The following MSH3 variants were observed in gnomAD, a reference collection of about 807,000 sequenced individuals.
The protein encoded by MSH3 is DNA mismatch repair protein Msh3.
Under a neutral mutation model 123.3 loss-of-function variants are expected in MSH3, and 106 were observed. The ratio of observed to expected loss-of-function variants is 0.86; its 90% CI spans 0.73 to 1.01. The LOEUF (loss-of-function observed/expected upper bound fraction) is 1.01, where lower values mean the gene tolerates loss of function less well. Among genes scored for constraint, MSH3 ranks in the 50% least tolerant of loss-of-function variants. The pLI is 0.00. For missense variants in MSH3, 1,459 were observed against 1,347.6 expected, an observed-to-expected ratio of 1.08 and a Z score of -1.29; for synonymous variants, 515 against 481.4, an observed-to-expected ratio of 1.07 and a Z score of -0.91.
intron 8 of MSH3, among the ~76,000 whole-genome samples, chr5:80,704,170 T>C (rs1750670978): frequency 6.6e-6 from 1 of 152,190 alleles, no homozygotes; most frequent in South Asian, 2.1e-4. Context: ...CCGCCGTGAC[T>C]GTGGGTCACT....
At chr5:80,791,549 T>C (rs1744605940) in intron 18 of MSH3, among the ~76,000 whole-genome samples, 1 of 152,210 alleles carries the variant, frequency 6.6e-6, no homozygotes, top group African/African-American at 2.4e-5. Flanking sequence ...GAATATGGAA[T>C]AAAACTTTTG....
At chr5:80,680,526 A>G (rs1308504251) in intron 8 of MSH3, among the ~76,000 whole-genome samples, 2 of 150,116 alleles carry the variant, frequency 1.3e-5, no homozygotes, top group Non-Finnish European at 3.0e-5. Flanking sequence ...ACTTTTTTCC[A>G]TTTGTGAACT....
chr5:80,807,153 T>C (rs1744905211), intron 19 of MSH3, among the ~76,000 whole-genome samples: 2 of 134,490 alleles, frequency 1.5e-5, no homozygotes, highest in Non-Finnish European at 3.0e-5. Flanking sequence ...TTTGCACCAC[T>C]GCACTCTAGC....
intron 13 of MSH3, among the ~76,000 whole-genome samples, chr5:80,765,300 T>C (rs1168045800): frequency 2.0e-5 from 3 of 152,192 alleles, no homozygotes; most frequent in Non-Finnish European, 4.4e-5. Flanking sequence ...TGTTTGTTTC[T>C]TTACTTTTGT....
intron 22 of MSH3, among the ~76,000 whole-genome samples, chr5:80,870,434 A>C (rs1490185354): frequency 6.6e-6 from 1 of 152,042 alleles, no homozygotes; most frequent in Admixed American, 6.6e-5. Flanking sequence ...GCTTTTTTTG[A>C]TTGCCTATTG....
At chr5:80,756,241 A>G (rs941040027) in intron 12 of MSH3, among the ~76,000 whole-genome samples, 6 of 152,192 alleles carry the variant, frequency 3.9e-5, no homozygotes, top group Non-Finnish European at 8.8e-5. Flanking sequence ...CTCCAAAAAG[A>G]AAGAAAGAAA....
Position 80,672,358 on chromosome 5 carries a change from A to G in MSH3, c.907A>G (p.Lys303Glu), listed in dbSNP as rs765742189. Reference protein sequence around the residue: ...HVRRLVAKGYKVGVVKQTETA... With the variant: ...HVRRLVAKGYEVGVVKQTETA... The stretch of plus-strand genomic sequence containing the variant: ...ACGCCGCCTGGTGGCAAAAGGATAT[A>G]AGGTCAGCTTTGGCTTTAACTTGTG... The change falls in exon 5 of 24, where the codon AAG (lysine) becomes GAG (glutamate). Residue 303 changes from lysine to glutamate, a missense_variant and splice_region_variant. Coordinates refer to ENST00000265081, the MANE Select transcript of MSH3 (RefSeq NM_002439.5). 27 of 1,607,492 alleles carry G rather than the reference A, an allele frequency of 1.7e-5. No homozygotes were observed. The highest frequency in any genetic ancestry group is 2.3e-5 in the Non-Finnish European group (27 of 1,174,054).
intron 20 of MSH3, among the ~76,000 whole-genome samples, chr5:80,830,836 C>A (rs1745403968): frequency 6.6e-6 from 1 of 152,178 alleles, no homozygotes; most frequent in South Asian, 2.1e-4. Context: ...TCTCTTGATT[C>A]TCATCAGTGT....
At chr5:80,697,642 T>G (rs1257724909) in intron 8 of MSH3, among the ~76,000 whole-genome samples, 1 of 152,168 alleles carries the variant, frequency 6.6e-6, no homozygotes, top group Non-Finnish European at 1.5e-5. Context: ...GTGTGTCACA[T>G]TTTCTGCCAC....
At chr5:80,850,258 T>C (rs1745806683) in intron 20 of MSH3, among the ~76,000 whole-genome samples, 1 of 152,228 alleles carries the variant, frequency 6.6e-6, no homozygotes, top group African/African-American at 2.4e-5. Context: ...AGTTCCAGAC[T>C]TTCTCACATT....
intron 2 of MSH3, among the ~76,000 whole-genome samples, chr5:80,659,510 T>C (rs940118006): frequency 6.6e-6 from 1 of 150,736 alleles, no homozygotes; most frequent in Non-Finnish European, 1.5e-5. Context: ...TATGTGGCCT[T>C]TGGTGTCTGG....
At chr5:80,729,390 T>G (rs1481083808) in intron 10 of MSH3, among the ~76,000 whole-genome samples, 3 of 119,632 alleles carry the variant, frequency 2.5e-5, no homozygotes, top group Non-Finnish European at 4.9e-5. Context: ...CACTCCAGCC[T>G]GGGCGACAGC....
At chr5:80,692,006 C>T (rs186259193) in intron 8 of MSH3, among the ~76,000 whole-genome samples, 3 of 83,128 alleles carry the variant, frequency 3.6e-5, no homozygotes, top group Non-Finnish European at 5.6e-5. Context: ...GATAGATAAA[C>T]ATGTATATGT....
At chr5:80,846,376 G>C (rs927329669) in intron 20 of MSH3, among the ~76,000 whole-genome samples, 1 of 151,972 alleles carries the variant, frequency 6.6e-6, no homozygotes, top group African/African-American at 2.4e-5. Context: ...CCCGCTTGAG[G>C]AGGTAGTCTG....
intron 11 of MSH3, among the ~76,000 whole-genome samples, chr5:80,742,632 T>G (rs1743637560): frequency 6.6e-6 from 1 of 152,230 alleles, no homozygotes. Context: ...CTAGTTTCTC[T>G]CAGTTTCTTC....
chr5:80,844,353 T>G (rs1745680408), intron 20 of MSH3, among the ~76,000 whole-genome samples: 1 of 152,180 alleles, frequency 6.6e-6, no homozygotes, highest in Non-Finnish European at 1.5e-5. Flanking sequence ...TGTGATGTGG[T>G]GCTGAGAAGA....
intron 20 of MSH3, among the ~76,000 whole-genome samples, chr5:80,847,652 C>A (rs1182724302): frequency 6.6e-6 from 1 of 152,078 alleles, no homozygotes; most frequent in East Asian, 1.9e-4. Flanking sequence ...ATAAAATTTT[C>A]AGCAGAATGT....
chr5:80,761,492 C>A, intron 12 of MSH3, 54 bp from the exon 13 acceptor site: 1 of 1,604,996 alleles, frequency 6.2e-7, no homozygotes, highest in South Asian at 1.1e-5. Flanking sequence ...TGGGAAATGT[C>A]TATATTCTGA....
chr5:80,750,714 G>C (rs1345195630), intron 12 of MSH3, among the ~76,000 whole-genome samples: 1 of 152,140 alleles, frequency 6.6e-6, no homozygotes, highest in African/African-American at 2.4e-5. Flanking sequence ...TTGCTGTGCA[G>C]ATTTTTAGTT....
Sources: gnomAD v4.1 joint callset for allele counts (sites outside exome capture counted in the v4.1 genomes callset) on GRCh38, gnomAD v4.1.1 for gene constraint, MANE v1.5 for transcripts, NCBI Gene and HGNC (gene_info 2026-07-23, HGNC 2026-07-21) for gene names.